PTBP2: variants seen among roughly 807,000 people sequenced by gnomAD.
PTBP2 encodes polypyrimidine tract-binding protein 2.
PTBP2 carries 13 observed loss-of-function variants against 61.4 expected under a neutral mutation model. The observed-to-expected ratio is 0.21, with a 90% CI of 0.14 to 0.34. The LOEUF (loss-of-function observed/expected upper bound fraction) is 0.34, where lower values mean the gene tolerates loss of function less well. PTBP2 is among the 10% of genes least tolerant of loss of function. PTBP2 has a pLI of 1.00. For synonymous variants in PTBP2, 215 were observed against 218.5 expected (o/e 0.98, Z 0.14); for missense variants, 405 against 642.6 (o/e 0.63, Z 4.00).
intron 7 of PTBP2, among the ~76,000 whole-genome samples, chr1:96,781,772 A>G (rs932088794): frequency 1.3e-5 from 2 of 151,908 alleles, no homozygotes; most frequent in Non-Finnish European, 2.9e-5. Context: ...TGCTGTATTT[A>G]TTAAACATTG....
At position 96,804,853 on chromosome 1, in the gene PTBP2, G is replaced by A; in HGVS notation, c.958G>A (p.Ala320Thr). 1 of 1,611,498 alleles carries A rather than the reference G, an allele frequency of 6.2e-7. No homozygotes were observed. Among genetic ancestry groups the A allele is most frequent in the South Asian group, 1.1e-5 (1 of 90,896 alleles). ...LAIPNAAAAA[A>T]AAAAGRVGMP... ...CATTCCAAATGCTGCTGCAGCAGCT[G>A]CTGCAGCTGCTGCTGGCCGAGTGGG... Residue 320 changes from alanine to threonine, a missense_variant, in exon 9 of 14, where the codon GCT becomes ACT. By Grantham distance (58) the Ala-to-Thr change is moderately conservative. Around this residue, in one of 4 missense-constraint regions of PTBP2, gnomAD observed 342 missense variants for 491.2 expected, o/e 0.70. Coordinates refer to ENST00000674951, the MANE Select transcript of PTBP2 (RefSeq NM_021190.4).
chr1:96,789,909 C>A (rs1043207355), intron 8 of PTBP2, among the ~76,000 whole-genome samples: 2 of 152,044 alleles, frequency 1.3e-5, no homozygotes, highest in African/African-American at 2.4e-5. Context: ...ATTACACTTA[C>A]CAGAATTGAC....
At position 96,808,209 on chromosome 1, in the gene PTBP2, G is replaced by A. The variant is rs540095877; in HGVS notation, c.1171+1251G>A. ...ATGTAATATTTTAATTTTTTGCCATGCTCGTAGTCTGCTTGGGCTGCTGTA... is the reference window on the plus strand; with the variant it reads ...ATGTAATATTTTAATTTTTTGCCATACTCGTAGTCTGCTTGGGCTGCTGTA... On this transcript the variant is annotated intron_variant, in intron 11 of 13. Transcript: ENST00000674951. Among the ~76,000 whole-genome samples the A allele has an allele frequency of 3.3e-5, 5 of 151,980 alleles. 1 individual carries two copies. The highest frequency in any genetic ancestry group is 4.1e-4 in the South Asian group (2 of 4,822).
At chr1:96,731,465 A>G (rs191532391) in intron 2 of PTBP2, among the ~76,000 whole-genome samples, 2 of 152,272 alleles carry the variant, frequency 1.3e-5, no homozygotes, top group Admixed American at 1.3e-4. Context: ...CTGTTTGTGT[A>G]CTGGACCTAG....
At chr1:96,729,927 G>A (rs772471157) in intron 2 of PTBP2, among the ~76,000 whole-genome samples, 3 of 151,782 alleles carry the variant, frequency 2.0e-5, no homozygotes, top group Non-Finnish European at 2.9e-5. Flanking sequence ...TAGTAGAGAC[G>A]GGGTTTCACT....
intron 2 of PTBP2, among the ~76,000 whole-genome samples, chr1:96,750,083 G>C (rs1203061104): frequency 6.6e-6 from 1 of 151,796 alleles, no homozygotes; most frequent in Non-Finnish European, 1.5e-5. Flanking sequence ...TTTAAACCTG[G>C]GGTTTTTAGA....
At chr1:96,762,828 G>C (rs1317202233) in intron 3 of PTBP2, among the ~76,000 whole-genome samples, 1 of 151,802 alleles carries the variant, frequency 6.6e-6, no homozygotes, top group East Asian at 2.0e-4. Context: ...CAGATGGGGC[G>C]GCTGCTGGGC....
chr1:96,724,844 C>G (rs1406470084), intron 2 of PTBP2, among the ~76,000 whole-genome samples: 1 of 151,956 alleles, frequency 6.6e-6, no homozygotes, highest in Non-Finnish European at 1.5e-5. Context: ...TACCCTAAAA[C>G]TTAAAGTATA....
chr1:96,749,900 C>G (rs1654324897), intron 2 of PTBP2, among the ~76,000 whole-genome samples: 1 of 152,108 alleles, frequency 6.6e-6, no homozygotes, highest in African/African-American at 2.4e-5. Flanking sequence ...TGTTACCTAA[C>G]TGATAAGTGG....
At chr1:96,793,536 A>AT (rs908101842) in intron 8 of PTBP2, among the ~76,000 whole-genome samples, 16 of 151,590 alleles carry the variant, frequency 1.1e-4, no homozygotes, top group South Asian at 6.3e-4. Context: ...CACCTGGCTA[A>AT]TTTTTTTTGT....
intron 1 of PTBP2, 112 bp downstream of exon 1, chr1:96,721,984 G>A: frequency 7.1e-7 from 1 of 1,406,380 alleles, no homozygotes; most frequent in Non-Finnish European, 9.8e-7. Flanking sequence ...GGGCTGGGCT[G>A]CCGTTACCCA....
chr1:96,819,078 C>G (rs565601008), downstream of PTBP2: 2 of 151,962 alleles, frequency 1.3e-5, no homozygotes, highest in South Asian at 4.2e-4. Flanking sequence ...TCCATGTGAA[C>G]TGATTTTTTT....
intron 5 of PTBP2, among the ~76,000 whole-genome samples, chr1:96,775,867 A>G (rs1389158375): frequency 6.6e-6 from 1 of 152,126 alleles, no homozygotes; most frequent in Admixed American, 6.5e-5. Flanking sequence ...CCATAAAAGG[A>G]AGATAGAGAA....
chr1:96,788,709 G>C (rs1190070956), intron 8 of PTBP2, among the ~76,000 whole-genome samples: 1 of 151,928 alleles, frequency 6.6e-6, no homozygotes, highest in African/African-American at 2.4e-5. Context: ...ACTTTACCTT[G>C]TATGATTTTT....
In PTBP2 at chr1:96,813,368, A is replaced by G; in HGVS notation, c.1559A>G (p.His520Arg). The G allele has an allele frequency of 6.2e-7, 1 of 1,601,136 alleles. No individual in the cohort carries two copies. The highest frequency in any genetic ancestry group is 8.5e-7 in the Non-Finnish European group (1 of 1,173,636). Residue 520 changes from histidine (H) to arginine (R), a missense_variant, in exon 14 of 14, where the codon CAT becomes CGT. This residue lies in a region of PTBP2 where 21 missense variants were observed against 54.1 expected (regional missense o/e 0.39). Coordinates refer to ENST00000674951, the MANE Select transcript of PTBP2 (RefSeq NM_021190.4). ...DLHNYNLGEN[H>R]HLRVSFSKST... is the part of the protein sequence containing the mutation. ...CATAATTATAACCTTGGAGAAAACC[A>G]TCATCTGAGAGTGTCTTTCTCCAAG...
downstream of PTBP2, chr1:96,818,395 C>G (rs1480292452): frequency 6.6e-6 from 1 of 152,038 alleles, no homozygotes; most frequent in Non-Finnish European, 1.5e-5. Flanking sequence ...TAATGCAGAT[C>G]CCAGATATAT....
intron 3 of PTBP2, among the ~76,000 whole-genome samples, chr1:96,768,859 A>G (rs1232009723): frequency 1.3e-5 from 2 of 152,014 alleles, no homozygotes; most frequent in African/African-American, 4.8e-5. Flanking sequence ...GATAAGCCAT[A>G]ATATGGATTG....
At chr1:96,796,506 A>G (rs1277330096) in intron 8 of PTBP2, among the ~76,000 whole-genome samples, 5 of 152,174 alleles carry the variant, frequency 3.3e-5, no homozygotes, top group Admixed American at 1.3e-4. Context: ...AGTTGAAAGT[A>G]GGAAAGTAGA....
intron 2 of PTBP2, among the ~76,000 whole-genome samples, chr1:96,748,655 T>C (rs575683865): frequency 1.3e-5 from 2 of 152,348 alleles, no homozygotes; most frequent in East Asian, 3.9e-4. Context: ...TTAGATTAAT[T>C]AAAAATTTTT....
Sources: allele counts gnomAD v4.1 joint callset (sites outside exome capture counted in the v4.1 genomes callset), GRCh38; gene constraint gnomAD v4.1.1; regional missense constraint gnomAD v4.1.1; transcripts MANE v1.5; gene names NCBI Gene and HGNC (gene_info 2026-07-23, HGNC 2026-07-21).